The following NRG3 variants were observed in gnomAD, a reference collection of about 807,000 sequenced individuals.
NRG3 encodes pro-neuregulin-3, membrane-bound isoform.
In NRG3, 31 loss-of-function variants were observed where a neutral mutation model predicts 66.9. The observed-to-expected ratio is 0.46, with a 90% CI of 0.35 to 0.63. The LOEUF is 0.63. Ranked by LOEUF, NRG3 falls within the 20% of genes least tolerant of loss-of-function variation. The pLI is 0.00. For missense variants in NRG3, 910 were observed against 878.9 expected, an observed-to-expected ratio of 1.04 and a Z score of -0.45; for synonymous variants, 393 against 359.4, an observed-to-expected ratio of 1.09 and a Z score of -1.06.
At chr10:82,669,468 C>T (rs2134023083) in intron 2 of NRG3, among the ~76,000 whole-genome samples, 1 of 152,180 alleles carries the variant, frequency 6.6e-6, no homozygotes, top group South Asian at 2.1e-4. Flanking sequence ...AAACTTACTA[C>T]CAATTATGGT....
At chr10:82,856,743 C>CAAAAAAAAAAAAA (rs371581250) in intron 3 of NRG3, among the ~76,000 whole-genome samples, 1 of 66,410 alleles carries the variant, frequency 1.5e-5, no homozygotes, top group African/African-American at 6.0e-5. Flanking sequence ...GACTCTGTCT[C>CAAAAAAAAAAAAA]AAAAAAAAAA....
At chr10:82,720,054 A>G (rs142432970) in intron 2 of NRG3, among the ~76,000 whole-genome samples, 1,539 of 152,246 alleles carry the variant, frequency 0.01, 23 homozygotes, top group African/African-American at 0.035. Context: ...TTTAACCTTT[A>G]TCTGTACAAT....
chr10:82,242,967 C>G (rs149158479), intron 1 of NRG3, among the ~76,000 whole-genome samples: 1 of 152,190 alleles, frequency 6.6e-6, no homozygotes, highest in Admixed American at 6.5e-5. Context: ...CGTTAGGGCT[C>G]GTGCTTAAGC....
intron 2 of NRG3, among the ~76,000 whole-genome samples, chr10:82,461,329 C>A (rs943939692): frequency 6.6e-6 from 1 of 152,004 alleles, no homozygotes; most frequent in Non-Finnish European, 1.5e-5. Flanking sequence ...TCACCACCAC[C>A]ACCACCATCA....
intron 3 of NRG3, among the ~76,000 whole-genome samples, chr10:82,771,186 A>G (rs34979473): frequency 0.15 from 22,158 of 152,140 alleles, 1,942 homozygotes; most frequent in South Asian, 0.24. Flanking sequence ...CTTCCTTCTT[A>G]AACAAGTTAC....
intron 2 of NRG3, among the ~76,000 whole-genome samples, chr10:82,450,848 G>A (rs1201475341): frequency 4.6e-5 from 7 of 152,162 alleles, no homozygotes; most frequent in Non-Finnish European, 8.8e-5. Flanking sequence ...CAGTTGCCCT[G>A]CCACAACTGA....
At chr10:82,952,503 G>C (rs1341366462) in intron 5 of NRG3, among the ~76,000 whole-genome samples, 3 of 148,350 alleles carry the variant, frequency 2.0e-5, no homozygotes, top group African/African-American at 7.7e-5. Flanking sequence ...GTGTGTGTGT[G>C]TGTGTGTGTG....
intron 1 of NRG3, among the ~76,000 whole-genome samples, chr10:82,189,287 G>C (rs1195858732): frequency 6.6e-6 from 1 of 152,004 alleles, no homozygotes; most frequent in Non-Finnish European, 1.5e-5. Flanking sequence ...CAAAATAATA[G>C]AGTTAAACAT....
At chr10:82,439,479 A>T (rs1000995931) in intron 2 of NRG3, among the ~76,000 whole-genome samples, 3 of 152,016 alleles carry the variant, frequency 2.0e-5, no homozygotes, top group Non-Finnish European at 4.4e-5. Flanking sequence ...TGTATAACTT[A>T]CATGTTTTAT....
chr10:82,326,673 A>AT (rs1361904225), intron 1 of NRG3, among the ~76,000 whole-genome samples: 1 of 152,130 alleles, frequency 6.6e-6, no homozygotes, highest in Admixed American at 6.6e-5. Context: ...TGTGTCTTCC[A>AT]TCCCATCCAG....
At chr10:82,952,501 G>C (rs1197675158) in intron 5 of NRG3, among the ~76,000 whole-genome samples, 3 of 148,528 alleles carry the variant, frequency 2.0e-5, no homozygotes, top group African/African-American at 7.7e-5. Context: ...GTGTGTGTGT[G>C]TGTGTGTGTG....
intron 1 of NRG3, among the ~76,000 whole-genome samples, chr10:82,051,576 G>A (rs2063595293): frequency 6.6e-6 from 1 of 152,098 alleles, no homozygotes; most frequent in Non-Finnish European, 1.5e-5. Flanking sequence ...TTTTAAATCA[G>A]TGTTAGTAAA....
At chr10:82,249,296 A>G (rs2077381681) in intron 1 of NRG3, among the ~76,000 whole-genome samples, 1 of 152,186 alleles carries the variant, frequency 6.6e-6, no homozygotes, top group Non-Finnish European at 1.5e-5. Flanking sequence ...TATTGAATTC[A>G]TGTGGATTTC....
intron 4 of NRG3, among the ~76,000 whole-genome samples, chr10:82,896,066 C>T (rs1234598241): frequency 5.9e-5 from 9 of 152,184 alleles, no homozygotes; most frequent in African/African-American, 9.6e-5. Context: ...AAAGTGTTGG[C>T]GTTTGAGTGG....
intron 2 of NRG3, among the ~76,000 whole-genome samples, chr10:82,469,392 C>G (rs991242419): frequency 4.6e-5 from 7 of 152,048 alleles, no homozygotes; most frequent in African/African-American, 1.7e-4. Context: ...AAAGAAGGAC[C>G]CATGGAGCAA....
intron 3 of NRG3, among the ~76,000 whole-genome samples, chr10:82,807,436 G>A (rs2061336113): frequency 6.6e-6 from 1 of 152,182 alleles, no homozygotes; most frequent in African/African-American, 2.4e-5. Flanking sequence ...GGGGTGTGTG[G>A]AGTGTTGCTA....
chr10:81,906,628 G>A (rs1844630542), intron 1 of NRG3, among the ~76,000 whole-genome samples: 1 of 152,146 alleles, frequency 6.6e-6, no homozygotes. Flanking sequence ...GCCACGTGAG[G>A]TCTGAGAAGT....
At chr10:82,060,768 C>G (rs2064099924) in intron 1 of NRG3, among the ~76,000 whole-genome samples, 1 of 152,170 alleles carries the variant, frequency 6.6e-6, no homozygotes. Context: ...TACTGACCTA[C>G]CTGTGGCCAG....
chr10:82,315,103 C>T (rs993272086), intron 1 of NRG3, among the ~76,000 whole-genome samples: 11 of 152,076 alleles, frequency 7.2e-5, no homozygotes, highest in African/African-American at 2.7e-4. Flanking sequence ...AATTTCCATA[C>T]TGTATTTATG....
Sources: gnomAD v4.1 joint callset for allele counts (sites outside exome capture counted in the v4.1 genomes callset) on GRCh38, gnomAD v4.1.1 for gene constraint, MANE v1.5 for transcripts, NCBI Gene and HGNC (gene_info 2026-07-23, HGNC 2026-07-21) for gene names.